MCC: variants seen among roughly 807,000 people sequenced by gnomAD.
The protein encoded by MCC is MCC regulator of Wnt signaling pathway.
Under a neutral mutation model 116.2 loss-of-function variants are expected in MCC, and 90 were observed. That is an observed-to-expected ratio of 0.77 (90% CI 0.65 to 0.92). The LOEUF (loss-of-function observed/expected upper bound fraction) is 0.92, where lower values mean the gene tolerates loss of function less well. Ranked by LOEUF, MCC falls within the 40% of genes least tolerant of loss-of-function variation. The pLI, the probability that MCC is intolerant of heterozygous loss-of-function variation, is 0.00. For synonymous variants in MCC, 578 were observed against 510.5 expected (o/e 1.13, Z -1.78); for missense variants, 1,516 against 1,312.2 (o/e 1.16, Z -2.40).
chr5:113,469,995 G>A (rs1487616992), intron 1 of MCC, among the ~76,000 whole-genome samples: 2 of 152,094 alleles, frequency 1.3e-5, no homozygotes, highest in Admixed American at 1.3e-4. Flanking sequence ...CAGAGACTAG[G>A]ATTGCAACCT....
chr5:113,047,370 A>C (rs1410993179), intron 16 of MCC, among the ~76,000 whole-genome samples: 1 of 152,222 alleles, frequency 6.6e-6, no homozygotes, highest in Admixed American at 6.5e-5. Context: ...TGGATGAATA[A>C]AAAGCAGCCA....
At chr5:113,187,446 C>T (rs540028574) in intron 3 of MCC, among the ~76,000 whole-genome samples, 2 of 152,152 alleles carry the variant, frequency 1.3e-5, no homozygotes, top group African/African-American at 4.8e-5. Flanking sequence ...GCTAAAAGCA[C>T]TGTCAACTCA....
rs780358275 is a variant in MCC, at chr5:113,084,155, G to A, written c.1581C>T (p.Ser527=). ...AERVKLSKTR[S]ESSSSDRPVL... is the part of the protein sequence containing the mutation. Reference sequence around the variant, plus strand: ...CTGGCCGATCAGATGATGACGATTCGGACCTTGTCTTTGATAGCTTCACCC... The same window carrying A: ...CTGGCCGATCAGATGATGACGATTCAGACCTTGTCTTTGATAGCTTCACCC... The change falls in exon 10 of 19, where the codon TCC becomes TCT. Residue 527 remains serine (S), a synonymous_variant. Transcript: ENST00000408903. The A allele has an allele frequency of 2.4e-5, 39 of 1,614,020 alleles. No individual in the cohort carries two copies. The Admixed American group carries it at 5.7e-4, about 23-fold the overall frequency.
At chr5:113,125,336 C>CA (rs1206291713) in intron 5 of MCC, among the ~76,000 whole-genome samples, 2 of 152,024 alleles carry the variant, frequency 1.3e-5, no homozygotes, top group African/African-American at 4.8e-5. Flanking sequence ...TATTCTAGAA[C>CA]AAAAACGACA....
intron 3 of MCC, among the ~76,000 whole-genome samples, chr5:113,166,705 TA>T (rs1210505602): frequency 1.1e-4 from 14 of 122,512 alleles, no homozygotes; most frequent in African/African-American, 4.1e-4. Flanking sequence ...ATCATTTATT[TA>T]AAAAAAAAAA....
intron 3 of MCC, among the ~76,000 whole-genome samples, chr5:113,170,414 C>G (rs1431610045): frequency 6.6e-6 from 1 of 152,154 alleles, no homozygotes; most frequent in Non-Finnish European, 1.5e-5. Context: ...TTCTGATAAA[C>G]CACAACTGCA....
intron 3 of MCC, among the ~76,000 whole-genome samples, chr5:113,288,883 A>G (rs1261556176): frequency 6.6e-6 from 1 of 152,210 alleles, no homozygotes; most frequent in African/African-American, 2.4e-5. Flanking sequence ...ACATGGGAAT[A>G]ACAGAAGGCA....
At chr5:113,091,364 A>C (rs1755628891) in intron 8 of MCC, among the ~76,000 whole-genome samples, 1 of 152,204 alleles carries the variant, frequency 6.6e-6, no homozygotes, top group South Asian at 2.1e-4. Context: ...GCCCAGGTCC[A>C]CAAAGCTGCC....
At chr5:113,222,989 G>A (rs1763605726) in intron 3 of MCC, among the ~76,000 whole-genome samples, 1 of 152,174 alleles carries the variant, frequency 6.6e-6, no homozygotes, top group African/African-American at 2.4e-5. Flanking sequence ...CAGCACCTAG[G>A]GCTCAGATAT....
intron 17 of MCC, among the ~76,000 whole-genome samples, chr5:113,042,948 G>A (rs1044233844): frequency 6.6e-6 from 1 of 152,084 alleles, no homozygotes; most frequent in African/African-American, 2.4e-5. Context: ...TTACATTTCT[G>A]CTGGACAATG....
At chr5:113,102,680 A>G (rs962204416) in intron 7 of MCC, among the ~76,000 whole-genome samples, 1 of 152,254 alleles carries the variant, frequency 6.6e-6, no homozygotes, top group Non-Finnish European at 1.5e-5. Context: ...TAGGGAAAAA[A>G]GGAAGAAGTC....
chr5:113,169,913 A>T (rs936649127), intron 3 of MCC, among the ~76,000 whole-genome samples: 1 of 152,206 alleles, frequency 6.6e-6, no homozygotes, highest in Non-Finnish European at 1.5e-5. Flanking sequence ...ATCGGCATAA[A>T]TGATAACATT....
intron 3 of MCC, among the ~76,000 whole-genome samples, chr5:113,157,409 CTG>C (rs940878985): frequency 4.6e-5 from 7 of 152,234 alleles, no homozygotes; most frequent in Non-Finnish European, 1.0e-4. Context: ...GGACTTCAGT[CTG>C]TGCTTTGAAC....
At position 113,386,233 on chromosome 5, in the gene MCC, C is replaced by T. The variant is rs183906900; in HGVS notation, c.171-1021G>A. Among the ~76,000 whole-genome samples the T allele has an allele frequency of 3.3e-5, 5 of 152,288 alleles. No homozygotes were observed. The East Asian group carries it at 7.7e-4, about 24-fold the overall frequency. ...AAGCTAATTAGTGTGCCTGTCTCAA[C>T]ATACTACCAAAGTTCAGTTATCTGG... On this transcript the variant is annotated intron_variant, in intron 1 of 18. Coordinates refer to ENST00000408903, the MANE Select transcript of MCC (RefSeq NM_001085377.2).
chr5:113,413,590 T>A (rs2150403827), intron 1 of MCC, among the ~76,000 whole-genome samples: 1 of 152,368 alleles, frequency 6.6e-6, no homozygotes, highest in East Asian at 1.9e-4. Context: ...TGATGGTAGT[T>A]TGTATTTCTG....
intron 3 of MCC, among the ~76,000 whole-genome samples, chr5:113,229,167 C>A (rs544060674): frequency 5.9e-5 from 9 of 151,926 alleles, no homozygotes; most frequent in African/African-American, 2.2e-4. Flanking sequence ...CCCAACATGG[C>A]GGATGGGGAG....
intron 14 of MCC, among the ~76,000 whole-genome samples, chr5:113,055,142 T>A (rs1406238655): frequency 6.6e-6 from 1 of 152,160 alleles, no homozygotes; most frequent in Non-Finnish European, 1.5e-5. Context: ...AAAGTGAAGC[T>A]CAGAGACATC....
intron 5 of MCC, among the ~76,000 whole-genome samples, chr5:113,127,948 T>A (rs1758173267): frequency 1.3e-5 from 2 of 152,238 alleles, no homozygotes; most frequent in African/African-American, 2.4e-5. Flanking sequence ...TTGCCTAGGT[T>A]GTCTCCCATA....
chr5:113,285,453 C>A (rs1766214851), intron 3 of MCC, among the ~76,000 whole-genome samples: 1 of 151,400 alleles, frequency 6.6e-6, no homozygotes, highest in Non-Finnish European at 1.5e-5. Context: ...GCTTATGAAG[C>A]CCTAGGTGAT....
Sources: allele counts gnomAD v4.1 joint callset (sites outside exome capture counted in the v4.1 genomes callset), GRCh38; gene constraint gnomAD v4.1.1; transcripts MANE v1.5; gene names NCBI Gene and HGNC (gene_info 2026-07-23, HGNC 2026-07-21).